SLC4A1AP: variants seen among roughly 807,000 people sequenced by gnomAD.
SLC4A1AP encodes solute carrier family 4 member 1 adaptor protein.
A neutral mutation model predicts 89.7 loss-of-function variants in SLC4A1AP; 64 were observed. That is an observed-to-expected ratio of 0.71 (90% CI 0.58 to 0.88). The LOEUF is 0.88. Ranked by LOEUF, SLC4A1AP falls within the 40% of genes least tolerant of loss-of-function variation. The pLI, the probability that SLC4A1AP is intolerant of heterozygous loss-of-function variation, is 0.00. For missense variants in SLC4A1AP, 931 were observed against 965.0 expected, an observed-to-expected ratio of 0.96 and a Z score of 0.47; for synonymous variants, 366 against 353.3, an observed-to-expected ratio of 1.04 and a Z score of -0.40.
intron 3 of SLC4A1AP, among the ~76,000 whole-genome samples, chr2:27,667,764 T>C (rs1675357109): frequency 6.6e-6 from 1 of 152,048 alleles, no homozygotes; most frequent in African/African-American, 2.4e-5. Flanking sequence ...ACATAGGTTT[T>C]GATTTTATAT....
chr2:27,670,289 C>T lies in SLC4A1AP; in HGVS notation c.1345+902C>T, dbSNP rs776858294. ...CTGGGATTACAGGCATGAGCCACTGCGCCTGGCCGTATCACGAATATTACA... is the reference window on the plus strand; with the variant it reads ...CTGGGATTACAGGCATGAGCCACTGTGCCTGGCCGTATCACGAATATTACA... On this transcript the variant is annotated intron_variant, in intron 5 of 13. Transcript: ENST00000613058. Among the ~76,000 whole-genome samples the T allele has an allele frequency of 7.9e-5, 12 of 152,170 alleles. No individual in the cohort carries two copies. The South Asian group carries it at 1.0e-3, about 13-fold the overall frequency.
intron 8 of SLC4A1AP, 66 bp from the exon 9 acceptor site, chr2:27,682,182 T>G: frequency 1.0e-6 from 1 of 986,796 alleles, no homozygotes; most frequent in South Asian, 1.5e-5. Context: ...GTCAGTATCA[T>G]GGTATTTTTA....
intron 2 of SLC4A1AP, among the ~76,000 whole-genome samples, chr2:27,666,194 G>A (rs1037554079): frequency 6.6e-6 from 1 of 152,052 alleles, no homozygotes; most frequent in African/African-American, 2.4e-5. Flanking sequence ...TTTTAATGTG[G>A]CTAATAGAAA....
chr2:27,691,070 G>A (rs2148141583), intron 12 of SLC4A1AP, among the ~76,000 whole-genome samples: 1 of 152,120 alleles, frequency 6.6e-6, no homozygotes, highest in Middle Eastern at 3.4e-3. Context: ...AGTTAGGGAG[G>A]ATTCCTTCTT....
intron 10 of SLC4A1AP, among the ~76,000 whole-genome samples, chr2:27,685,554 TC>T (rs1675691238): frequency 6.6e-6 from 1 of 152,170 alleles, no homozygotes; most frequent in African/African-American, 2.4e-5. Context: ...TGTGGAATAA[TC>T]CTGAGCTGCT....
At chr2:27,683,545 A>G (rs1172096439) in intron 9 of SLC4A1AP, among the ~76,000 whole-genome samples, 1 of 152,118 alleles carries the variant, frequency 6.6e-6, no homozygotes, top group African/African-American at 2.4e-5. Context: ...CATGAGTCAT[A>G]CTGAGTTAGG....
In SLC4A1AP at chr2:27,675,513, T is replaced by C. The variant is rs750833253; in HGVS notation, c.1346-19T>C. ...TCTTTTTTAAAAACTTATTTATTCA[T>C]CATTTTATCTACCTCTAGTATCTCG... On this transcript the variant is annotated intron_variant, in intron 5 of 13. Transcript: ENST00000613058. The C allele has an allele frequency of 1.3e-6, 2 of 1,516,546 alleles. No individual in the cohort carries two copies. Among genetic ancestry groups the C allele is most frequent in the South Asian group, 2.6e-5 (2 of 77,906 alleles). 93.9% of individuals were successfully genotyped at this position (1,516,546 alleles called of 1,614,324 possible).
chr2:27,665,634 G>A (rs1290321889), intron 2 of SLC4A1AP, among the ~76,000 whole-genome samples: 1 of 152,126 alleles, frequency 6.6e-6, no homozygotes, highest in East Asian at 1.9e-4. Flanking sequence ...TGGAGGGGAT[G>A]GAACTCTATT....
chr2:27,689,987 C>G (rs1393809386), intron 12 of SLC4A1AP, among the ~76,000 whole-genome samples: 6 of 152,100 alleles, frequency 3.9e-5, no homozygotes, highest in African/African-American at 1.4e-4. Flanking sequence ...AACTCACTGG[C>G]TGAAAATCAG....
intron 8 of SLC4A1AP, among the ~76,000 whole-genome samples, chr2:27,678,718 AC>A (rs1272320386): frequency 6.8e-6 from 1 of 146,628 alleles, no homozygotes; most frequent in African/African-American, 2.5e-5. Flanking sequence ...ACAACCTAAT[AC>A]CTTTTTTTTT....
rs1168161435 is a variant in SLC4A1AP, at chr2:27,684,952, AC to A, written c.1876-84del. Reference sequence around the variant, plus strand: ...AACCTAAAAAGAGTAAACATTCAGTACATTTAGACTGACCTCCTTGAAAAGA... The same window carrying A: ...AACCTAAAAAGAGTAAACATTCAGTAATTTAGACTGACCTCCTTGAAAAGA... On this transcript the variant is annotated intron_variant, in intron 9 of 13. Transcript: ENST00000613058. The A allele has an allele frequency of 9.7e-6, 14 of 1,440,266 alleles. No individual in the cohort carries two copies. The African/African-American group carries it at 1.9e-4, about 19-fold the overall frequency. 89.2% of individuals were successfully genotyped at this position (1,440,266 alleles called of 1,614,324 possible). A position where few individuals can be genotyped will look rare whatever the true frequency, so the allele number is the denominator to read the frequency against.
intron 1 of SLC4A1AP, 55 bp from the exon 2 acceptor site, chr2:27,665,045 G>A: frequency 6.8e-7 from 1 of 1,472,774 alleles, no homozygotes; most frequent in East Asian, 2.3e-5. Flanking sequence ...CTAGGCGACA[G>A]AGCAAGACCC....
chr2:27,669,910 C>CTAGA (rs1196567939), intron 5 of SLC4A1AP, among the ~76,000 whole-genome samples: 2 of 152,154 alleles, frequency 1.3e-5, no homozygotes, highest in African/African-American at 4.8e-5. Flanking sequence ...GTTGCCCAGG[C>CTAGA]TAGAGTGCAA....
intron 10 of SLC4A1AP, among the ~76,000 whole-genome samples, chr2:27,687,342 G>T (rs1675718934): frequency 6.6e-6 from 1 of 151,960 alleles, no homozygotes; most frequent in Non-Finnish European, 1.5e-5. Flanking sequence ...CAACATTTTG[G>T]GAGGCCGAAG....
chr2:27,677,756 C>T (rs1407234366), exon 8 of SLC4A1AP: 6 of 1,606,494 alleles, frequency 3.7e-6, no homozygotes, highest in Middle Eastern at 1.7e-4. Context: ...GAGTCTCCAT[C>T]TCAGGATTCT....
At chr2:27,694,168 G>T (rs1196259721) in intron 13 of SLC4A1AP, among the ~76,000 whole-genome samples, 1 of 152,066 alleles carries the variant, frequency 6.6e-6, no homozygotes, top group African/African-American at 2.4e-5. Context: ...ACCAATTGTT[G>T]TTAGTTTCTT....
In SLC4A1AP at chr2:27,685,017, T is replaced by C; in HGVS notation, c.1876-20T>C. 1 of 1,571,146 alleles carries C rather than the reference T, an allele frequency of 6.4e-7. No individual in the cohort carries two copies. Among genetic ancestry groups the C allele is most frequent in the Non-Finnish European group, 8.6e-7 (1 of 1,162,876 alleles). On this transcript the variant is annotated intron_variant, in intron 9 of 13. Coordinates refer to ENST00000613058, the Ensembl canonical transcript of SLC4A1AP. The stretch of plus-strand genomic sequence containing the variant: ...GTCATTAAGTAGAACTACTTGTTCA[T>C]GGTTTTGTTTCCCTCTTAGAAGTTA...
rs1301382082 is a variant in SLC4A1AP at position 27,680,755 on chromosome 2, AAAC to A, written c.1764-1490_1764-1488del. ...CTGTCTCAAACAAACAAACAAACAA[AAAC>A]AAAACAAAAACAAATCTCTGCTTTG... On this transcript the variant is annotated intron_variant, in intron 8 of 13. Transcript: ENST00000613058. 3.3e-5 allele frequency among the ~76,000 whole-genome samples: 5 copies of A among 151,876 alleles called. No homozygotes were observed. In the East Asian group the frequency reaches 9.6e-4, roughly 29 times the overall value.
chr2:27,672,857 C>T (rs191343264), intron 5 of SLC4A1AP, among the ~76,000 whole-genome samples: 71 of 152,280 alleles, frequency 4.7e-4, no homozygotes, highest in Middle Eastern at 3.4e-3. Context: ...CTTCCAATCT[C>T]CTGCCTGAAA....
Sources: allele counts gnomAD v4.1 joint callset (sites outside exome capture counted in the v4.1 genomes callset), GRCh38; gene constraint gnomAD v4.1.1; transcripts MANE v1.5; gene names NCBI Gene and HGNC (gene_info 2026-07-23, HGNC 2026-07-21).